Variants in LYN observed in about 807,000 individuals in gnomAD.
LYN encodes the protein tyrosine-protein kinase Lyn.
LYN carries 12 observed loss-of-function variants against 65.0 expected under a neutral mutation model. The ratio of observed to expected loss-of-function variants is 0.18; its 90% CI spans 0.12 to 0.30. The LOEUF is 0.30. Among genes scored for constraint, LYN ranks in the 10% least tolerant of loss-of-function variants. LYN has a pLI of 1.00. For missense variants in LYN, 380 were observed against 623.2 expected (o/e 0.61, Z 4.16); for synonymous variants, 222 against 221.2 (o/e 1.00, Z -0.03).
chr8:55,887,194 C>A (rs1175567504), intron 1 of LYN, among the ~76,000 whole-genome samples: 1 of 152,170 alleles, frequency 6.6e-6, no homozygotes, highest in Non-Finnish European at 1.5e-5. Context: ...GTGGCCCTTG[C>A]CTGTAATCCC....
chr8:55,924,264 C>T (rs902358297), intron 1 of LYN, among the ~76,000 whole-genome samples: 8 of 152,022 alleles, frequency 5.3e-5, no homozygotes, highest in East Asian at 1.9e-4. Flanking sequence ...ACCATGGCAC[C>T]GGGAGGGCCT....
At position 55,927,723 on chromosome 8, in the gene LYN, C is replaced by A. The variant is rs538388100; in HGVS notation, c.-5-14132C>A. On this transcript the variant is annotated intron_variant, in intron 1 of 12. Transcript: ENST00000519728. ...GGTGGCGGGTGCCTGTAATGCCCAG[C>A]TACTCAGGAGACTGAGGCAGGAGAA... Among the ~76,000 whole-genome samples, 3 of 152,116 alleles carry A rather than the reference C, an allele frequency of 2.0e-5. No individual in the cohort carries two copies. In the East Asian group the frequency reaches 5.8e-4, roughly 29 times the overall value.
chr8:55,985,718 C>G (rs1040639640), intron 10 of LYN, among the ~76,000 whole-genome samples: 6 of 152,158 alleles, frequency 3.9e-5, no homozygotes, highest in Admixed American at 1.3e-4. Flanking sequence ...CTGTCTTCCC[C>G]CATCAAAGAG....
chr8:55,951,138 G>C (rs1172178716), intron 6 of LYN, among the ~76,000 whole-genome samples: 1 of 152,000 alleles, frequency 6.6e-6, no homozygotes, highest in Non-Finnish European at 1.5e-5. Flanking sequence ...AGCTACTCTG[G>C]AGGCTGAGGT....
At chr8:55,891,668 C>G (rs1804966851) in intron 1 of LYN, among the ~76,000 whole-genome samples, 1 of 152,102 alleles carries the variant, frequency 6.6e-6, no homozygotes, top group South Asian at 2.1e-4. Flanking sequence ...GAGTTATATA[C>G]TTAAAATAGT....
chr8:55,992,115 G>A (rs1318704284), intron 10 of LYN, among the ~76,000 whole-genome samples: 1 of 152,174 alleles, frequency 6.6e-6, no homozygotes, highest in Non-Finnish European at 1.5e-5. Context: ...TTAGTTCTTT[G>A]GTGTCGGCAG....
At chr8:55,971,299 G>C (rs1807602883) in intron 10 of LYN, among the ~76,000 whole-genome samples, 1 of 152,166 alleles carries the variant, frequency 6.6e-6, no homozygotes. Context: ...ACTATAGTTT[G>C]AAAACCACCT....
At chr8:55,892,415 A>T (rs761545730) in intron 1 of LYN, among the ~76,000 whole-genome samples, 1 of 152,216 alleles carries the variant, frequency 6.6e-6, no homozygotes, top group South Asian at 2.1e-4. Context: ...GCAAGACTCC[A>T]TCTCAAAAAA....
At chr8:55,901,455 TC>T (rs578007931) in intron 1 of LYN, among the ~76,000 whole-genome samples, 22 of 152,184 alleles carry the variant, frequency 1.4e-4, no homozygotes, top group Non-Finnish European at 2.6e-4. Context: ...GGCTTTAGAC[TC>T]CTTCTTGGGC....
At chr8:55,880,137 G>A (rs1585554810) in intron 1 of LYN, 34 bp downstream of exon 1, 2 of 231,698 alleles carry the variant, frequency 8.6e-6, no homozygotes, top group Non-Finnish European at 1.7e-5. Context: ...GGGTGGGCGC[G>A]GGCACGCGGG....
chr8:55,973,329 T>A (rs1045763824), intron 10 of LYN, among the ~76,000 whole-genome samples: 1 of 152,144 alleles, frequency 6.6e-6, no homozygotes, highest in African/African-American at 2.4e-5. Context: ...TCTCCAACCA[T>A]CCATAGCCCA....
intron 10 of LYN, among the ~76,000 whole-genome samples, chr8:55,994,852 A>G (rs73679619): frequency 0.017 from 2,609 of 152,280 alleles, 61 homozygotes; most frequent in Middle Eastern, 0.051. Flanking sequence ...TGACCGCTCA[A>G]TTGCTGCTGT....
chr8:55,925,053 A>G (rs77081031), intron 1 of LYN, among the ~76,000 whole-genome samples: 6,752 of 151,774 alleles, frequency 0.044, 183 homozygotes, highest in African/African-American at 0.078. Flanking sequence ...TGTTGGCCAA[A>G]CTGGGGTGAT....
intron 8 of LYN, among the ~76,000 whole-genome samples, chr8:55,964,211 A>ATTTTTC (rs1807378084): frequency 6.6e-6 from 1 of 151,496 alleles, no homozygotes; most frequent in African/African-American, 2.4e-5. Context: ...CTTGTACTGC[A>ATTTTTC]TTTTTCTTTT....
At chr8:55,978,664 A>C (rs1807828897) in intron 10 of LYN, among the ~76,000 whole-genome samples, 1 of 152,218 alleles carries the variant, frequency 6.6e-6, no homozygotes, top group South Asian at 2.1e-4. Flanking sequence ...GTCAGAGAGC[A>C]GGCTGGGGAC....
intron 10 of LYN, among the ~76,000 whole-genome samples, chr8:55,985,354 C>A (rs1170657996): frequency 1.3e-5 from 2 of 152,200 alleles, no homozygotes; most frequent in African/African-American, 2.4e-5. Flanking sequence ...AATGCAGGAG[C>A]AGCCACAGAG....
At chr8:55,921,906 A>C (rs1299633591) in intron 1 of LYN, among the ~76,000 whole-genome samples, 1 of 152,222 alleles carries the variant, frequency 6.6e-6, no homozygotes, top group Admixed American at 6.5e-5. Context: ...AGTGCCGAAC[A>C]ATGTTTCTTG....
intron 1 of LYN, among the ~76,000 whole-genome samples, chr8:55,921,549 G>A (rs1045592213): frequency 6.6e-6 from 1 of 152,162 alleles, no homozygotes; most frequent in Non-Finnish European, 1.5e-5. Flanking sequence ...AAGGATGTGG[G>A]CTGCTGGAGA....
intron 10 of LYN, among the ~76,000 whole-genome samples, chr8:55,975,022 C>T (rs1263500476): frequency 1.3e-5 from 2 of 152,138 alleles, no homozygotes; most frequent in Non-Finnish European, 2.9e-5. Context: ...CATTCCCAAT[C>T]GCTCTTTCAA....
Sources: allele counts gnomAD v4.1 joint callset (sites outside exome capture counted in the v4.1 genomes callset), GRCh38; gene constraint gnomAD v4.1.1; transcripts MANE v1.5; gene names NCBI Gene and HGNC (gene_info 2026-07-23, HGNC 2026-07-21).